Variants in COL25A1 observed in about 807,000 individuals in gnomAD.
The protein encoded by COL25A1 is collagen alpha-1(XXV) chain.
COL25A1 carries 103 observed loss-of-function variants against 128.4 expected under a neutral mutation model. The observed-to-expected ratio is 0.80, with a 90% CI of 0.68 to 0.94. The LOEUF (loss-of-function observed/expected upper bound fraction) is 0.94. Among genes scored for constraint, COL25A1 ranks in the 40% least tolerant of loss-of-function variants. The pLI, the probability that COL25A1 is intolerant of heterozygous loss-of-function variation, is 0.00. For synonymous variants in COL25A1, 279 were observed against 277.2 expected, an observed-to-expected ratio of 1.01 and a Z score of -0.06; for missense variants, 745 against 840.0, an observed-to-expected ratio of 0.89 and a Z score of 1.40.
intron 5 of COL25A1, among the ~76,000 whole-genome samples, chr4:109,037,932 A>T (rs1759513868): frequency 6.6e-6 from 1 of 152,224 alleles, no homozygotes; most frequent in Non-Finnish European, 1.5e-5. Flanking sequence ...AACACTGCCA[A>T]GTTACAAGGT....
intron 3 of COL25A1, among the ~76,000 whole-genome samples, chr4:109,247,268 T>G (rs1224722805): frequency 1.3e-5 from 2 of 152,012 alleles, no homozygotes; most frequent in Non-Finnish European, 2.9e-5. Context: ...GAGAATGGCT[T>G]GAACCCAGGA....
intron 6 of COL25A1, among the ~76,000 whole-genome samples, chr4:108,983,026 A>T (rs1167886990): frequency 6.6e-6 from 1 of 152,230 alleles, no homozygotes; most frequent in Non-Finnish European, 1.5e-5. Context: ...AACAGCAGGA[A>T]TCAGGGACGC....
At chr4:108,863,528 C>T (rs1306291846) in intron 20 of COL25A1, 141 bp from the exon 21 acceptor site, 1 of 610,334 alleles carries the variant, frequency 1.6e-6, no homozygotes, top group African/African-American at 1.9e-5. Flanking sequence ...TTATTAATCT[C>T]TTAACATGAA....
intron 3 of COL25A1, among the ~76,000 whole-genome samples, chr4:109,149,946 G>A (rs2126100142): frequency 6.6e-6 from 1 of 151,722 alleles, no homozygotes; most frequent in Middle Eastern, 3.4e-3. Flanking sequence ...GTATGTATGT[G>A]TGTGTGTGTG....
At chr4:109,107,922 T>C (rs907479442) in intron 3 of COL25A1, among the ~76,000 whole-genome samples, 2 of 152,246 alleles carry the variant, frequency 1.3e-5, no homozygotes, top group African/African-American at 4.8e-5. Context: ...AAAAATTCCA[T>C]TTAACTTCTA....
At chr4:109,287,578 T>C (rs2126281336) in intron 3 of COL25A1, among the ~76,000 whole-genome samples, 1 of 152,272 alleles carries the variant, frequency 6.6e-6, no homozygotes, top group East Asian at 1.9e-4. Flanking sequence ...GAATGTAACT[T>C]GCTTTTAAAT....
At chr4:109,164,370 C>A (rs11931270) in intron 3 of COL25A1, among the ~76,000 whole-genome samples, 3,080 of 152,278 alleles carry the variant, frequency 0.02, 98 homozygotes, top group South Asian at 0.13. Context: ...ACCACCATCT[C>A]CCACATTGGA....
chr4:108,893,888 G>A (rs893090820), intron 16 of COL25A1, among the ~76,000 whole-genome samples: 4 of 152,136 alleles, frequency 2.6e-5, no homozygotes, highest in African/African-American at 4.8e-5. Flanking sequence ...GCTACAGGTC[G>A]GATTACATAT....
intron 19 of COL25A1, among the ~76,000 whole-genome samples, chr4:108,880,187 C>G (rs963738555): frequency 6.6e-6 from 1 of 152,136 alleles, no homozygotes; most frequent in Admixed American, 6.5e-5. Context: ...CATTACATGT[C>G]AAGGTTTGCT....
chr4:108,940,729 T>C lies in COL25A1; in HGVS notation c.565-83A>G, dbSNP rs114376784. 1,620 of 850,448 alleles carry C rather than the reference T, an allele frequency of 1.9e-3. 15 individuals are homozygous for C. The African/African-American group carries it at 0.024, about 13-fold the overall frequency. 52.7% of individuals were successfully genotyped at this position (850,448 alleles called of 1,614,324 possible). A position where few individuals can be genotyped will look rare whatever the true frequency, so the allele number is the denominator to read the frequency against. On this transcript the variant is annotated intron_variant, in intron 9 of 37. Transcript: ENST00000399132. ...TCTTTTCAGCACCTTAAATTTGTAT[T>C]ATCTAATTCACATTTACACTATGAA...
intron 6 of COL25A1, among the ~76,000 whole-genome samples, chr4:108,990,703 T>C (rs1754151955): frequency 1.3e-5 from 2 of 152,200 alleles, no homozygotes; most frequent in Non-Finnish European, 1.5e-5. Context: ...GGTGTTTACA[T>C]GTGCATAAAT....
At chr4:108,880,873 A>T (rs1740033889) in intron 19 of COL25A1, among the ~76,000 whole-genome samples, 1 of 152,190 alleles carries the variant, frequency 6.6e-6, no homozygotes. Context: ...GAAAATAGGA[A>T]CTTAGAATCT....
At chr4:108,950,411 C>G (rs1749272643) in intron 8 of COL25A1, among the ~76,000 whole-genome samples, 2 of 152,108 alleles carry the variant, frequency 1.3e-5, no homozygotes, top group South Asian at 2.1e-4. Context: ...AAGCACTACA[C>G]AGAAGTAGCA....
At chr4:109,171,199 A>G (rs1440549732) in intron 3 of COL25A1, among the ~76,000 whole-genome samples, 1 of 152,186 alleles carries the variant, frequency 6.6e-6, no homozygotes, top group Non-Finnish European at 1.5e-5. Flanking sequence ...GAGGCATGCC[A>G]ACTGAGAGTG....
Position 109,277,721 on chromosome 4 carries a change from C to T in COL25A1, c.367+22862G>A, listed in dbSNP as rs149372113. 1.8e-4 allele frequency among the ~76,000 whole-genome samples: 28 copies of T among 152,276 alleles called. No homozygotes were observed. The East Asian group carries it at 5.0e-3, about 27-fold the overall frequency. On this transcript the variant is annotated intron_variant, in intron 3 of 37. Transcript: ENST00000399132. ...TAGATTATATAGGATTTCTATGTAT[C>T]CATTTCTGATTCTACAGTCCAATAT...
At chr4:109,276,247 C>G (rs1376012378) in intron 3 of COL25A1, among the ~76,000 whole-genome samples, 2 of 151,912 alleles carry the variant, frequency 1.3e-5, no homozygotes, top group African/African-American at 4.8e-5. Context: ...CTCATCTCTA[C>G]TAAAACTACA....
At chr4:109,148,476 A>C (rs954876204) in intron 3 of COL25A1, among the ~76,000 whole-genome samples, 5 of 152,158 alleles carry the variant, frequency 3.3e-5, no homozygotes, top group Non-Finnish European at 7.4e-5. Flanking sequence ...CCAGGTACCC[A>C]AATTAGAAAC....
chr4:109,285,968 C>A (rs1723852562), intron 3 of COL25A1, among the ~76,000 whole-genome samples: 1 of 152,052 alleles, frequency 6.6e-6, no homozygotes, highest in Admixed American at 6.6e-5. Flanking sequence ...ACTGGGCTCC[C>A]ACATATACAG....
At chr4:108,839,027 A>C (rs1734120775) in intron 31 of COL25A1, among the ~76,000 whole-genome samples, 1 of 150,282 alleles carries the variant, frequency 6.7e-6, no homozygotes, top group Non-Finnish European at 1.5e-5. Flanking sequence ...TGTGAAAGAA[A>C]GATGATTTCA....
Sources: allele counts gnomAD v4.1 joint callset (sites outside exome capture counted in the v4.1 genomes callset), GRCh38; gene constraint gnomAD v4.1.1; transcripts MANE v1.5; gene names NCBI Gene and HGNC (gene_info 2026-07-23, HGNC 2026-07-21).